The following KCNIP4 variants were observed in gnomAD, a reference collection of about 807,000 sequenced individuals.
KCNIP4 encodes the protein Kv channel-interacting protein 4.
Under a neutral mutation model 34.0 loss-of-function variants are expected in KCNIP4, and 12 were observed. That is an observed-to-expected ratio of 0.35 (90% CI 0.23 to 0.57). The LOEUF (loss-of-function observed/expected upper bound fraction) is 0.57. Among genes scored for constraint, KCNIP4 ranks in the 20% least tolerant of loss-of-function variants. The pLI, the probability that KCNIP4 is intolerant of heterozygous loss-of-function variation, is 0.83. For missense variants in KCNIP4, 238 were observed against 311.7 expected, an observed-to-expected ratio of 0.76 and a Z score of 1.78; for synonymous variants, 124 against 102.2, an observed-to-expected ratio of 1.21 and a Z score of -1.29.
intron 1 of KCNIP4, among the ~76,000 whole-genome samples, chr4:20,929,631 A>AAGG (rs1730243949): frequency 6.6e-6 from 1 of 151,662 alleles, no homozygotes; most frequent in Non-Finnish European, 1.5e-5. Flanking sequence ...TCCCTTATGT[A>AAGG]GAAAACCCTA....
intron 1 of KCNIP4, among the ~76,000 whole-genome samples, chr4:21,341,051 G>C (rs1472400685): frequency 1.3e-5 from 2 of 152,090 alleles, no homozygotes; most frequent in East Asian, 3.9e-4. Flanking sequence ...TGTTCCATAA[G>C]ACCATGTGAA....
At chr4:21,190,834 C>T (rs528520751) in intron 1 of KCNIP4, among the ~76,000 whole-genome samples, 59 of 152,156 alleles carry the variant, frequency 3.9e-4, no homozygotes, top group Non-Finnish European at 6.0e-4. Context: ...ATTTAGATGG[C>T]GCAGCTGCTC....
chr4:21,255,661 CT>C (rs1234863244), intron 1 of KCNIP4, among the ~76,000 whole-genome samples: 1 of 136,886 alleles, frequency 7.3e-6, no homozygotes, highest in Non-Finnish European at 1.5e-5. Context: ...AAAAAAAAAA[CT>C]AATTCAGGAT....
chr4:21,197,424 G>C (rs1165330207), intron 1 of KCNIP4, among the ~76,000 whole-genome samples: 1 of 152,084 alleles, frequency 6.6e-6, no homozygotes, highest in East Asian at 1.9e-4. Context: ...CAGCACGTTG[G>C]ATTGCTTCCA....
chr4:21,751,306 C>T (rs991221666), intron 1 of KCNIP4, among the ~76,000 whole-genome samples: 1 of 152,046 alleles, frequency 6.6e-6, no homozygotes, highest in Non-Finnish European at 1.5e-5. Context: ...CTTCTTGAGA[C>T]AATTGAGGCA....
At chr4:21,080,053 C>T (rs1001351510) in intron 1 of KCNIP4, among the ~76,000 whole-genome samples, 3 of 151,822 alleles carry the variant, frequency 2.0e-5, no homozygotes, top group Non-Finnish European at 2.9e-5. Flanking sequence ...AGGTTTGTGG[C>T]AATTTGTTGC....
chr4:21,176,645 C>T (rs1327532747), intron 1 of KCNIP4, among the ~76,000 whole-genome samples: 2 of 152,222 alleles, frequency 1.3e-5, no homozygotes, highest in Non-Finnish European at 2.9e-5. Flanking sequence ...GCCTTAGTCA[C>T]CCAAGTAGCT....
chr4:21,864,567 G>T (rs1008731541), intron 1 of KCNIP4, among the ~76,000 whole-genome samples: 5 of 152,212 alleles, frequency 3.3e-5, no homozygotes, highest in Admixed American at 2.0e-4. Flanking sequence ...TGTCATACAT[G>T]TTCAGTCCTG....
chr4:21,606,903 C>T (rs1743733278), intron 1 of KCNIP4, among the ~76,000 whole-genome samples: 1 of 152,144 alleles, frequency 6.6e-6, no homozygotes, highest in African/African-American at 2.4e-5. Flanking sequence ...ATTGAGTTCT[C>T]AAATCGTATT....
intron 2 of KCNIP4, among the ~76,000 whole-genome samples, chr4:20,857,241 C>T (rs1237396975): frequency 6.6e-6 from 1 of 152,040 alleles, no homozygotes; most frequent in East Asian, 1.9e-4. Context: ...GCAACACCAC[C>T]GAACCCAATC....
At chr4:21,227,563 A>G (rs1237504060) in intron 1 of KCNIP4, among the ~76,000 whole-genome samples, 1 of 152,012 alleles carries the variant, frequency 6.6e-6, no homozygotes, top group Non-Finnish European at 1.5e-5. Flanking sequence ...TCTAATGAGG[A>G]TTACCTCTTG....
intron 1 of KCNIP4, among the ~76,000 whole-genome samples, chr4:21,252,706 G>T (rs537517491): frequency 6.6e-6 from 1 of 151,414 alleles, no homozygotes; most frequent in South Asian, 2.1e-4. Context: ...CAGTCCAGGA[G>T]GTTGATGGTA....
intron 1 of KCNIP4, among the ~76,000 whole-genome samples, chr4:21,090,801 TATACACATA>T (rs1422395295): frequency 6.6e-6 from 1 of 152,122 alleles, no homozygotes; most frequent in Non-Finnish European, 1.5e-5. Flanking sequence ...AGGTTAGAAA[TATACACATA>T]TTTTCTCTTC....
intron 1 of KCNIP4, among the ~76,000 whole-genome samples, chr4:21,521,251 G>A (rs1476868642): frequency 6.6e-6 from 1 of 152,150 alleles, no homozygotes; most frequent in Non-Finnish European, 1.5e-5. Flanking sequence ...ACTGTTCCAT[G>A]TAATTTAATA....
At chr4:20,892,277 C>G (rs1352910183) in intron 1 of KCNIP4, among the ~76,000 whole-genome samples, 3 of 152,198 alleles carry the variant, frequency 2.0e-5, no homozygotes, top group Non-Finnish European at 4.4e-5. Flanking sequence ...TCTACAGATT[C>G]CAAATGCAAA....
intron 1 of KCNIP4, among the ~76,000 whole-genome samples, chr4:20,926,411 C>T (rs2149593567): frequency 6.6e-6 from 1 of 152,324 alleles, no homozygotes; most frequent in African/African-American, 2.4e-5. Context: ...ATGTCATCTG[C>T]TTGCCCACCT....
intron 5 of KCNIP4, among the ~76,000 whole-genome samples, chr4:20,740,957 G>A (rs1750927369): frequency 6.6e-6 from 1 of 152,088 alleles, no homozygotes; most frequent in Non-Finnish European, 1.5e-5. Flanking sequence ...AACCAACAAA[G>A]ATCAAAACAG....
intron 1 of KCNIP4, among the ~76,000 whole-genome samples, chr4:21,075,259 T>C (rs918753970): frequency 2.0e-5 from 3 of 152,140 alleles, no homozygotes; most frequent in African/African-American, 7.2e-5. Flanking sequence ...CTCATTATTA[T>C]TGTGTGGGAG....
intron 3 of KCNIP4, among the ~76,000 whole-genome samples, chr4:20,828,170 T>G (rs2149453686): frequency 6.6e-6 from 1 of 152,316 alleles, no homozygotes; most frequent in Middle Eastern, 3.4e-3. Context: ...GGCTCAAGCC[T>G]GTAATCCCAG....
Sources: allele counts gnomAD v4.1 joint callset (sites outside exome capture counted in the v4.1 genomes callset), GRCh38; gene constraint gnomAD v4.1.1; transcripts MANE v1.5; gene names NCBI Gene and HGNC (gene_info 2026-07-23, HGNC 2026-07-21).